Variants in DLGAP1 observed in about 807,000 individuals in gnomAD.
The protein encoded by DLGAP1 is disks large-associated protein 1.
In DLGAP1, 11 loss-of-function variants were observed where a neutral mutation model predicts 90.8. The observed-to-expected ratio is 0.12, with a 90% CI of 0.08 to 0.20. DLGAP1 has a LOEUF of 0.20. DLGAP1 is among the 10% of genes least tolerant of loss of function. DLGAP1 has a pLI of 1.00. For missense variants in DLGAP1, 1,050 were observed against 1,333.8 expected (o/e 0.79, Z 3.31); for synonymous variants, 558 against 540.7 (o/e 1.03, Z -0.44).
At chr18:4,269,604 T>C (rs945890695) in intron 1 of DLGAP1, among the ~76,000 whole-genome samples, 3 of 152,116 alleles carry the variant, frequency 2.0e-5, no homozygotes, top group African/African-American at 2.4e-5. Context: ...TCCACCCGCC[T>C]TGGCCTCCCA....
intron 1 of DLGAP1, among the ~76,000 whole-genome samples, chr18:4,371,364 G>A (rs1356890385): frequency 6.6e-6 from 1 of 152,226 alleles, no homozygotes; most frequent in Non-Finnish European, 1.5e-5. Flanking sequence ...GCATGGCATT[G>A]AGAAATCTTG....
At position 3,507,216 on chromosome 18, in the gene DLGAP1, G is replaced by A. The variant is rs118189581; in HGVS notation, c.2571+1354C>T. On this transcript the variant is annotated intron_variant, in intron 11 of 12. Coordinates refer to ENST00000315677, the MANE Select transcript of DLGAP1 (RefSeq NM_004746.4). The stretch of plus-strand genomic sequence containing the variant: ...TAAAACTCCAAAACTGGCCAAGTGC[G>A]ATGGCGTGCCTGTAATACCAGCACT... 1.5e-3 allele frequency among the ~76,000 whole-genome samples: 221 copies of A among 152,152 alleles called. 6 individuals are homozygous for A. The East Asian group carries it at 0.038, about 26-fold the overall frequency.
intron 2 of DLGAP1, among the ~76,000 whole-genome samples, chr18:4,119,321 T>C (rs1429133716): frequency 1.3e-5 from 2 of 152,150 alleles, no homozygotes; most frequent in African/African-American, 2.4e-5. Context: ...CTTGAACTCC[T>C]GGGCTCAGGC....
intron 1 of DLGAP1, among the ~76,000 whole-genome samples, chr18:4,337,389 C>T (rs903696826): frequency 1.3e-4 from 19 of 151,740 alleles, no homozygotes; most frequent in Admixed American, 9.2e-4. Flanking sequence ...GCGACGGGGT[C>T]GCCATGCTGC....
chr18:3,746,107 A>G (rs1425042267), intron 5 of DLGAP1, among the ~76,000 whole-genome samples: 4 of 152,212 alleles, frequency 2.6e-5, no homozygotes, highest in African/African-American at 4.8e-5. Context: ...TGAATATAAT[A>G]TATTGCAAAC....
chr18:3,913,230 G>A (rs1599151344), intron 3 of DLGAP1, among the ~76,000 whole-genome samples: 1 of 152,010 alleles, frequency 6.6e-6, no homozygotes, highest in African/African-American at 2.4e-5. Flanking sequence ...AGCTGGGACT[G>A]CAGGTATGCA....
intron 7 of DLGAP1, among the ~76,000 whole-genome samples, chr18:3,639,711 T>C (rs1173278364): frequency 2.0e-5 from 3 of 150,984 alleles, no homozygotes; most frequent in Non-Finnish European, 2.9e-5. Flanking sequence ...GTGAACATAA[T>C]ACACCATTGG....
At chr18:4,257,113 G>A (rs987119219) in intron 1 of DLGAP1, among the ~76,000 whole-genome samples, 1 of 152,218 alleles carries the variant, frequency 6.6e-6, no homozygotes, top group African/African-American at 2.4e-5. Flanking sequence ...GTTATGGTTA[G>A]TTATGTTTAC....
chr18:3,569,297 G>C (rs1210197769), intron 8 of DLGAP1, among the ~76,000 whole-genome samples: 2 of 151,958 alleles, frequency 1.3e-5, no homozygotes, highest in African/African-American at 4.8e-5. Flanking sequence ...ACCGCACCTG[G>C]ACAAAAATAT....
At chr18:4,249,317 G>A (rs1481769963) in intron 1 of DLGAP1, among the ~76,000 whole-genome samples, 4 of 141,002 alleles carry the variant, frequency 2.8e-5, no homozygotes, top group Non-Finnish European at 6.3e-5. Flanking sequence ...ATACATGAAT[G>A]AAGGATGTAT....
chr18:3,543,197 G>A lies in DLGAP1; in HGVS notation c.2058-8582C>T, dbSNP rs183340598. 8.3e-4 allele frequency among the ~76,000 whole-genome samples: 105 copies of A among 126,950 alleles called. 2 individuals are homozygous for A. Among genetic ancestry groups the A allele is most frequent in the African/African-American group, 3.3e-3 (96 of 28,866 alleles). The allele number at this position is 126,950 out of a possible 152,430, so 83.3% of individuals were successfully genotyped here. On this transcript the variant is annotated intron_variant, in intron 9 of 12. Transcript: ENST00000315677. ...TTTTTTTTTTTTTTTTTGAGACGGA[G>A]TCTCGCTTTGTCACCCAGGCTGGAG...
At position 3,992,804 on chromosome 18, in the gene DLGAP1, G is replaced by T. The variant is rs557605041; in HGVS notation, c.-73+12312C>A. Among the ~76,000 whole-genome samples, 3 of 152,304 alleles carry T rather than the reference G, an allele frequency of 2.0e-5. No homozygotes were observed. In the South Asian group the frequency reaches 6.2e-4, roughly 32 times the overall value. On this transcript the variant is annotated intron_variant, in intron 3 of 12. Transcript: ENST00000315677. Reference sequence around the variant, plus strand: ...TTTCAAAAAGAATTACAATTTCTCTGTAATAACTATCAAGGTTATTTGGCT... The same window carrying T: ...TTTCAAAAAGAATTACAATTTCTCTTTAATAACTATCAAGGTTATTTGGCT...
In DLGAP1 at chr18:4,370,636, G is replaced by A. The variant is rs116652176; in HGVS notation, c.-267+84370C>T. Among the ~76,000 whole-genome samples the A allele has an allele frequency of 3.7e-3, 564 of 152,274 alleles. 7 individuals are homozygous for A. Among genetic ancestry groups the A allele is most frequent in the African/African-American group, 0.012 (504 of 41,550 alleles). On this transcript the variant is annotated intron_variant, in intron 1 of 12. Coordinates refer to ENST00000315677, the MANE Select transcript of DLGAP1 (RefSeq NM_004746.4). ...ATCTTCTTCCCCTCCAGAGGGATGT[G>A]GCAGGTTGAGTTGCTATGGATTCTG...
At chr18:3,682,202 C>A (rs1230561142) in intron 7 of DLGAP1, among the ~76,000 whole-genome samples, 1 of 152,146 alleles carries the variant, frequency 6.6e-6, no homozygotes, top group Non-Finnish European at 1.5e-5. Flanking sequence ...GCACCTCCCC[C>A]TCACACCTCA....
At chr18:4,196,217 G>C (rs2077495413) in intron 1 of DLGAP1, among the ~76,000 whole-genome samples, 1 of 152,134 alleles carries the variant, frequency 6.6e-6, no homozygotes, top group Non-Finnish European at 1.5e-5. Context: ...ACATAGGAGA[G>C]CTCACTAAAG....
At chr18:4,233,221 A>T (rs550327969) in intron 1 of DLGAP1, among the ~76,000 whole-genome samples, 44 of 152,188 alleles carry the variant, frequency 2.9e-4, no homozygotes, top group African/African-American at 9.6e-4. Context: ...CAGTATTCCC[A>T]CTTATGTTCT....
At chr18:3,931,105 CT>C in intron 3 of DLGAP1, among the ~76,000 whole-genome samples, 1 of 152,288 alleles carries the variant, frequency 6.6e-6, no homozygotes, top group Non-Finnish European at 1.5e-5. Flanking sequence ...CGAACTGCTC[CT>C]GCCTCCACCG....
At chr18:3,980,848 C>T (rs1462708342) in intron 3 of DLGAP1, among the ~76,000 whole-genome samples, 1 of 152,148 alleles carries the variant, frequency 6.6e-6, no homozygotes, top group African/African-American at 2.4e-5. Flanking sequence ...AGCTAATTAA[C>T]ATATCTATTA....
At chr18:3,509,398 A>G (rs1228871053) in intron 10 of DLGAP1, among the ~76,000 whole-genome samples, 2 of 152,284 alleles carry the variant, frequency 1.3e-5, no homozygotes, top group Middle Eastern at 3.4e-3. Context: ...TTGTCTCCCC[A>G]GCAGTCTAAG....
Sources: gnomAD v4.1 joint callset for allele counts (sites outside exome capture counted in the v4.1 genomes callset) on GRCh38, gnomAD v4.1.1 for gene constraint, MANE v1.5 for transcripts, NCBI Gene and HGNC (gene_info 2026-07-23, HGNC 2026-07-21) for gene names.